The following ADGRL3 variants were observed in gnomAD, a reference collection of about 807,000 sequenced individuals.
ADGRL3 encodes adhesion G protein-coupled receptor L3.
Under a neutral mutation model 153.5 loss-of-function variants are expected in ADGRL3, and 62 were observed. That is an observed-to-expected ratio of 0.40 (90% CI 0.33 to 0.50). The LOEUF is 0.50. ADGRL3 is among the 20% of genes least tolerant of loss of function. The pLI, the probability that ADGRL3 is intolerant of heterozygous loss-of-function variation, is 0.47. For synonymous variants in ADGRL3, 710 were observed against 672.5 expected (o/e 1.06, Z -0.86); for missense variants, 1,641 against 1,859.4 (o/e 0.88, Z 2.16).
In ADGRL3 at chr4:62,070,284, A is replaced by C; in HGVS notation, c.4008A>C (p.Glu1336Asp). 2 of 1,581,106 alleles carry C rather than the reference A, an allele frequency of 1.3e-6. No homozygotes were observed. Among genetic ancestry groups the C allele is most frequent in the Non-Finnish European group, 1.7e-6 (2 of 1,161,790 alleles). ...ETALEKKILK[E>D]LTSNYIPSYL... is the part of the protein sequence containing the mutation. ...CCCTAGAGAAAAAGATTCTGAAGGA[A>C]CTCACTTCCAACTATATCCCTTCTT... The change falls in exon 27 of 27, where the codon GAA becomes GAC. Residue 1336 changes from glutamate to aspartate, a missense_variant. Physicochemically the swap from Glu to Asp is conservative, Grantham distance 45 (BLOSUM62 2). Transcript: ENST00000683033.
chr4:61,354,286 G>T (rs2096117518), intron 1 of ADGRL3, among the ~76,000 whole-genome samples: 1 of 152,088 alleles, frequency 6.6e-6, no homozygotes, highest in Admixed American at 6.6e-5. Flanking sequence ...TGTTGCTCAG[G>T]TTATTAACCA....
In ADGRL3 at chr4:62,072,672, A is replaced by C. The variant is rs1421207254; in HGVS notation, c.*1764A>C. 1 of 152,182 alleles carries C rather than the reference A, an allele frequency of 6.6e-6. No individual in the cohort carries two copies. The highest frequency in any genetic ancestry group is 1.5e-5 in the Non-Finnish European group (1 of 68,034). The allele number at this position is 152,182 out of a possible 1,614,324, so 9.4% of individuals were successfully genotyped here. A position where few individuals can be genotyped will look rare whatever the true frequency, so the allele number is the denominator to read the frequency against. ...GCATGTTTATTTTGGATGAAATCAG[A>C]TGCATAACTTAATGTTGAGCAGGTT... On this transcript the variant is annotated 3_prime_UTR_variant, in exon 27 of 27. Coordinates refer to ENST00000683033, the MANE Select transcript of ADGRL3 (RefSeq NM_001387552.1).
At chr4:61,481,430 A>G (rs940561643) in intron 2 of ADGRL3, among the ~76,000 whole-genome samples, 9 of 152,116 alleles carry the variant, frequency 5.9e-5, no homozygotes, top group Non-Finnish European at 1.0e-4. Flanking sequence ...GCCACCATAT[A>G]TGTACATGTC....
intron 8 of ADGRL3, among the ~76,000 whole-genome samples, chr4:61,737,781 T>C (rs1399889086): frequency 2.6e-5 from 4 of 152,136 alleles, no homozygotes; most frequent in African/African-American, 9.7e-5. Context: ...ACCCTCTAGA[T>C]ACAAACATCA....
chr4:61,225,343 T>G (rs912803209), intron 1 of ADGRL3, among the ~76,000 whole-genome samples: 3 of 152,130 alleles, frequency 2.0e-5, no homozygotes, highest in Non-Finnish European at 4.4e-5. Flanking sequence ...GGCCCCACAG[T>G]TAAAGGGCTA....
chr4:61,750,315 T>G (rs1296698616), intron 8 of ADGRL3, among the ~76,000 whole-genome samples: 1 of 151,912 alleles, frequency 6.6e-6, no homozygotes, highest in African/African-American at 2.4e-5. Context: ...GATTACCAGA[T>G]GAAGAAATTG....
At chr4:61,715,664 A>T (rs2096093823) in intron 6 of ADGRL3, among the ~76,000 whole-genome samples, 1 of 151,760 alleles carries the variant, frequency 6.6e-6, no homozygotes, top group Non-Finnish European at 1.5e-5. Flanking sequence ...TGTGGTAGTT[A>T]AAAAAAAGAT....
At chr4:61,617,203 A>G (rs915000613) in intron 5 of ADGRL3, among the ~76,000 whole-genome samples, 3 of 152,174 alleles carry the variant, frequency 2.0e-5, no homozygotes, top group African/African-American at 7.2e-5. Flanking sequence ...CATTTTCCCC[A>G]TATTTTAAAT....
chr4:61,310,230 A>G (rs1472647547), intron 1 of ADGRL3, among the ~76,000 whole-genome samples: 3 of 151,802 alleles, frequency 2.0e-5, no homozygotes, highest in Non-Finnish European at 2.9e-5. Context: ...AATAAATGAA[A>G]ATATATAAAA....
intron 5 of ADGRL3, among the ~76,000 whole-genome samples, chr4:61,667,523 C>G (rs2094841802): frequency 6.6e-6 from 1 of 152,084 alleles, no homozygotes; most frequent in Non-Finnish European, 1.5e-5. Flanking sequence ...CATAGTAACA[C>G]TGAAACATTA....
intron 17 of ADGRL3, among the ~76,000 whole-genome samples, chr4:61,977,548 T>C (rs1366965048): frequency 6.6e-6 from 1 of 152,194 alleles, no homozygotes; most frequent in Non-Finnish European, 1.5e-5. Flanking sequence ...CTGAGAAATA[T>C]ATCAAGAGTT....
chr4:61,310,603 G>A (rs2094960718), intron 1 of ADGRL3, among the ~76,000 whole-genome samples: 1 of 152,048 alleles, frequency 6.6e-6, no homozygotes, highest in Non-Finnish European at 1.5e-5. Context: ...TATGTGTATT[G>A]AAATTGCAAG....
At chr4:61,938,322 A>G (rs767390825) in intron 15 of ADGRL3, among the ~76,000 whole-genome samples, 18 of 152,338 alleles carry the variant, frequency 1.2e-4, no homozygotes, top group South Asian at 8.3e-4. Flanking sequence ...CTAGAGGGAA[A>G]GAACAAAATT....
At position 61,748,551 on chromosome 4, in the gene ADGRL3, C is replaced by T. The variant is rs190127364; in HGVS notation, c.1399+14997C>T. The stretch of plus-strand genomic sequence containing the variant: ...AACAGATCAGAGCCCTCAGAAATAA[C>T]GCTGCATATCTACAACTATCTGATC... On this transcript the variant is annotated intron_variant, in intron 8 of 26. Coordinates refer to ENST00000683033, the MANE Select transcript of ADGRL3 (RefSeq NM_001387552.1). 4.3e-3 allele frequency among the ~76,000 whole-genome samples: 647 copies of T among 152,072 alleles called. 8 individuals carry two copies. The highest frequency in any genetic ancestry group is 0.015 in the African/African-American group (603 of 41,470).
chr4:61,529,250 T>A (rs1175851673), intron 4 of ADGRL3, among the ~76,000 whole-genome samples: 1 of 152,194 alleles, frequency 6.6e-6, no homozygotes, highest in Non-Finnish European at 1.5e-5. Flanking sequence ...TCTGGATATG[T>A]TTCCCAAGCT....
chr4:61,502,161 C>G (rs560704244), intron 3 of ADGRL3, among the ~76,000 whole-genome samples: 8 of 152,202 alleles, frequency 5.3e-5, no homozygotes, highest in Non-Finnish European at 1.0e-4. Flanking sequence ...ACGTAGGTAC[C>G]TGGGGCTCAT....
chr4:61,651,037 A>G (rs764925578), intron 5 of ADGRL3, among the ~76,000 whole-genome samples: 22 of 152,188 alleles, frequency 1.4e-4, no homozygotes, highest in Non-Finnish European at 2.6e-4. Context: ...GTAATCTATC[A>G]CTCATACTCA....
intron 1 of ADGRL3, among the ~76,000 whole-genome samples, chr4:61,238,221 G>A (rs558595732): frequency 6.6e-6 from 1 of 152,014 alleles, no homozygotes; most frequent in Non-Finnish European, 1.5e-5. Flanking sequence ...TCCTTACATT[G>A]CCTCTTTAGA....
At chr4:61,465,625 T>C (rs2097869663) in intron 2 of ADGRL3, among the ~76,000 whole-genome samples, 1 of 151,208 alleles carries the variant, frequency 6.6e-6, no homozygotes, top group Admixed American at 6.6e-5. Flanking sequence ...AGAATGTGTA[T>C]ATTTCTGACT....
Sources: allele counts gnomAD v4.1 joint callset (sites outside exome capture counted in the v4.1 genomes callset), GRCh38; gene constraint gnomAD v4.1.1; transcripts MANE v1.5; gene names NCBI Gene and HGNC (gene_info 2026-07-23, HGNC 2026-07-21).